JAZF1: variants seen among roughly 807,000 people sequenced by gnomAD.
JAZF1 encodes JAZF zinc finger 1, also known as juxtaposed with another zinc finger protein 1.
In JAZF1, 8 loss-of-function variants were observed where a neutral mutation model predicts 26.4. The observed-to-expected ratio is 0.30, with a 90% confidence interval of 0.18 to 0.55. JAZF1 has a LOEUF of 0.55. Ranked by LOEUF, JAZF1 falls within the 20% of genes least tolerant of loss-of-function variation. The probability of loss-of-function intolerance (pLI) is 0.94; values close to 1 mark genes in which losing one functional copy is unlikely to be tolerated. For synonymous variants in JAZF1, 126 were observed against 122.3 expected, an observed-to-expected ratio of 1.03 and a Z score of -0.20; for missense variants, 199 against 322.0, an observed-to-expected ratio of 0.62 and a Z score of 2.92.
chr7:28,173,401 A>G (rs915013543), intron 1 of JAZF1, among the ~76,000 whole-genome samples: 19 of 152,242 alleles, frequency 1.2e-4, no homozygotes, highest in Non-Finnish European at 1.9e-4. Flanking sequence ...GTATACATAT[A>G]CACACATAAA....
chr7:27,942,928 G>A (rs757611433), intron 2 of JAZF1, among the ~76,000 whole-genome samples: 4 of 152,154 alleles, frequency 2.6e-5, no homozygotes, highest in Admixed American at 6.5e-5. Context: ...AAGATGAGGC[G>A]CTATTTGGTC....
At chr7:27,984,401 T>C (rs937057012) in intron 2 of JAZF1, among the ~76,000 whole-genome samples, 2 of 152,200 alleles carry the variant, frequency 1.3e-5, no homozygotes, top group African/African-American at 4.8e-5. Context: ...CAAGAAGAGC[T>C]AACTATCCTA....
At chr7:27,919,742 A>G (rs1784499071) in intron 2 of JAZF1, among the ~76,000 whole-genome samples, 1 of 152,232 alleles carries the variant, frequency 6.6e-6, no homozygotes, top group Non-Finnish European at 1.5e-5. Flanking sequence ...GCCAAGGAAG[A>G]TTGGACCAGC....
intron 1 of JAZF1, among the ~76,000 whole-genome samples, chr7:28,101,764 T>C (rs1330735333): frequency 1.3e-5 from 2 of 151,880 alleles, no homozygotes; most frequent in Non-Finnish European, 1.5e-5. Context: ...TAAAATAAAA[T>C]GTAAGCCCAT....
At chr7:28,095,510 T>C (rs953191879) in intron 1 of JAZF1, among the ~76,000 whole-genome samples, 9 of 152,132 alleles carry the variant, frequency 5.9e-5, no homozygotes, top group African/African-American at 1.9e-4. Flanking sequence ...ACCCCCATGA[T>C]TCAATTACCT....
intron 1 of JAZF1, among the ~76,000 whole-genome samples, chr7:28,027,670 T>A (rs1036849431): frequency 1.3e-5 from 2 of 152,174 alleles, no homozygotes; most frequent in Admixed American, 1.3e-4. Flanking sequence ...CTAAGGGGGA[T>A]GGCAACAAAG....
At chr7:27,893,979 T>G (rs1365075301) in intron 3 of JAZF1, among the ~76,000 whole-genome samples, 2 of 152,230 alleles carry the variant, frequency 1.3e-5, no homozygotes. Flanking sequence ...AGCCCAATTG[T>G]TACAGATCCA....
chr7:27,899,007 TG>T (rs1211748327), intron 2 of JAZF1, among the ~76,000 whole-genome samples: 4 of 152,152 alleles, frequency 2.6e-5, no homozygotes, highest in African/African-American at 9.7e-5. Flanking sequence ...ACAAACGCTG[TG>T]GGAACCCTGG....
At chr7:27,911,553 T>C (rs1042534370) in intron 2 of JAZF1, among the ~76,000 whole-genome samples, 2 of 152,246 alleles carry the variant, frequency 1.3e-5, no homozygotes, top group African/African-American at 4.8e-5. Flanking sequence ...ATGAAATTTA[T>C]AATTTTATTT....
chr7:27,890,261 C>T (rs1005579026), intron 3 of JAZF1, among the ~76,000 whole-genome samples: 3 of 152,196 alleles, frequency 2.0e-5, no homozygotes, highest in Non-Finnish European at 2.9e-5. Context: ...TTCAAGGTAA[C>T]AGTTTAGCAA....
At chr7:28,145,473 T>C (rs528668609) in intron 1 of JAZF1, among the ~76,000 whole-genome samples, 75 of 152,286 alleles carry the variant, frequency 4.9e-4, no homozygotes, top group African/African-American at 1.7e-3. Context: ...CTAAGTAACA[T>C]CACATGAAGC....
intron 2 of JAZF1, among the ~76,000 whole-genome samples, chr7:27,939,731 C>T (rs1265579472): frequency 3.3e-5 from 5 of 152,208 alleles, no homozygotes; most frequent in Non-Finnish European, 7.3e-5. Flanking sequence ...TGTTGCTTTT[C>T]TTGGGCACTC....
chr7:28,154,741 G>A (rs1362891383), intron 1 of JAZF1, among the ~76,000 whole-genome samples: 1 of 151,368 alleles, frequency 6.6e-6, no homozygotes, highest in Non-Finnish European at 1.5e-5. Flanking sequence ...TATTAATTAT[G>A]GTACTTAATT....
intron 1 of JAZF1, among the ~76,000 whole-genome samples, chr7:28,025,967 T>C (rs1256564927): frequency 6.6e-6 from 1 of 152,214 alleles, no homozygotes; most frequent in East Asian, 1.9e-4. Context: ...GATCATATAA[T>C]TCATTGTCCA....
chr7:28,092,830 C>T (rs1366653117), intron 1 of JAZF1, among the ~76,000 whole-genome samples: 1 of 150,620 alleles, frequency 6.6e-6, no homozygotes, highest in Non-Finnish European at 1.5e-5. Context: ...AACTGCACTC[C>T]AGCCTGGGCA....
intron 2 of JAZF1, among the ~76,000 whole-genome samples, chr7:27,946,218 C>A (rs185539362): frequency 8.5e-5 from 13 of 152,048 alleles, no homozygotes; most frequent in Non-Finnish European, 1.8e-4. Flanking sequence ...CATTATAAAT[C>A]CAGGAACATC....
At chr7:28,028,993 A>T (rs994587723) in intron 1 of JAZF1, among the ~76,000 whole-genome samples, 1 of 151,966 alleles carries the variant, frequency 6.6e-6, no homozygotes, top group Non-Finnish European at 1.5e-5. Context: ...CCTAGGAGAA[A>T]AAATTATTTT....
At chr7:27,885,058 A>G (rs186499204) in intron 3 of JAZF1, among the ~76,000 whole-genome samples, 1 of 151,850 alleles carries the variant, frequency 6.6e-6, no homozygotes, top group East Asian at 1.9e-4. Flanking sequence ...TATAGTCAAA[A>G]CTCCCCCGGT....
chr7:28,135,897 T>C (rs922211064), intron 1 of JAZF1, among the ~76,000 whole-genome samples: 1 of 152,216 alleles, frequency 6.6e-6, no homozygotes, highest in Non-Finnish European at 1.5e-5. Context: ...TCTGGTCCTC[T>C]TCCTGTATTA....
Sources: gnomAD v4.1 joint callset for allele counts (sites outside exome capture counted in the v4.1 genomes callset) on GRCh38, gnomAD v4.1.1 for gene constraint, MANE v1.5 for transcripts, NCBI Gene and HGNC (gene_info 2026-07-23, HGNC 2026-07-21) for gene names.